CC2D2B: variants seen among roughly 807,000 people sequenced by gnomAD.
The protein encoded by CC2D2B is coiled-coil and C2 domain containing 2B, also known as protein CC2D2B.
A neutral mutation model predicts 161.2 loss-of-function variants in CC2D2B; 128 were observed. The ratio of observed to expected loss-of-function variants is 0.79; its 90% CI spans 0.69 to 0.92. The LOEUF (loss-of-function observed/expected upper bound fraction) is 0.92. Among genes scored for constraint, CC2D2B ranks in the 40% least tolerant of loss-of-function variants. The probability of loss-of-function intolerance (pLI) is 0.00; values close to 1 mark genes in which losing one functional copy is unlikely to be tolerated. For missense variants in CC2D2B, 1,173 were observed against 1,375.1 expected (o/e 0.85, Z 2.32); for synonymous variants, 391 against 449.8 (o/e 0.87, Z 1.65).
At position 95,968,722 on chromosome 10, in the gene CC2D2B, A is replaced by G; in HGVS notation, c.1467-2A>G. The G allele has an allele frequency of 2.6e-6, 3 of 1,172,788 alleles. No homozygotes were observed. The highest frequency in any genetic ancestry group is 3.2e-6 in the Non-Finnish European group (3 of 934,196). The allele number at this position is 1,172,788 out of a possible 1,614,324, so 72.6% of individuals were successfully genotyped here. A position where few individuals can be genotyped will look rare whatever the true frequency, so the allele number is the denominator to read the frequency against. ...TGATTTAAAGGTTTGTTTAATTTTTAGGCATGAACAAAAAAGAAGAGCCAA... is the reference window on the plus strand; with the variant it reads ...TGATTTAAAGGTTTGTTTAATTTTTGGGCATGAACAAAAAAGAAGAGCCAA... On this transcript the variant is annotated splice_acceptor_variant, in intron 14 of 34. Transcript: ENST00000646931. LOFTEE classifies it high-confidence loss of function.
At chr10:95,937,860 CTGGAACT>C in intron 6 of CC2D2B, 124 bp from the exon 7 acceptor site, 1 of 621,050 alleles carries the variant, frequency 1.6e-6, no homozygotes. Context: ...ACAAGTTCAA[CTGGAACT>C]TGTTCTGTGG....
intron 9 of CC2D2B, among the ~76,000 whole-genome samples, chr10:95,945,891 TCTC>T (rs1473801280): frequency 6.6e-6 from 1 of 151,406 alleles, no homozygotes; most frequent in Non-Finnish European, 1.5e-5. Context: ...TTCAAGTACT[TCTC>T]CTGCCTTAGC....
chr10:95,987,483 G>T (rs1438286340), intron 19 of CC2D2B, among the ~76,000 whole-genome samples: 1 of 152,144 alleles, frequency 6.6e-6, no homozygotes, highest in Non-Finnish European at 1.5e-5. Context: ...TTTCATGGCT[G>T]AAGATTCTAA....
intron 12 of CC2D2B, among the ~76,000 whole-genome samples, chr10:95,962,801 G>A (rs1035228476): frequency 6.8e-5 from 10 of 146,114 alleles, no homozygotes; most frequent in South Asian, 2.2e-4. Flanking sequence ...TGCTCTGGAC[G>A]GTTTCTAAAC....
At chr10:95,941,075 A>G (rs916940903) in intron 9 of CC2D2B, among the ~76,000 whole-genome samples, 7 of 152,134 alleles carry the variant, frequency 4.6e-5, no homozygotes, top group African/African-American at 1.7e-4. Context: ...GAGGGTGCCA[A>G]GACTACACAA....
rs1564684345 is a variant in CC2D2B at position 96,025,189 on chromosome 10, A to AT, written c.3947+278_3947+279insT. On this transcript the variant is annotated intron_variant, in intron 33 of 34. Transcript: ENST00000646931. The stretch of plus-strand genomic sequence containing the variant: ...TATATATATATATATATATATAAAA[A>AT]AAAATATATATATATATATATATAT... 3.2e-4 allele frequency among the ~76,000 whole-genome samples: 17 copies of AT among 53,774 alleles called. No homozygotes were observed. In the East Asian group the frequency reaches 4.6e-3, roughly 14 times the overall value. The allele number at this position is 53,774 out of a possible 152,430, so 35.3% of individuals were successfully genotyped here.
At chr10:96,018,201 T>C (rs2079290085) in intron 30 of CC2D2B, among the ~76,000 whole-genome samples, 1 of 152,212 alleles carries the variant, frequency 6.6e-6, no homozygotes, top group Admixed American at 6.5e-5. Context: ...AATTAAATAG[T>C]CTCATTATTA....
intron 4 of CC2D2B, among the ~76,000 whole-genome samples, 186 bp from the exon 5 acceptor site, chr10:95,924,593 G>T (rs971520163): frequency 6.6e-6 from 1 of 152,066 alleles, no homozygotes; most frequent in East Asian, 1.9e-4. Context: ...GCCAAGAAGA[G>T]CTAGGTGATT....
chr10:95,910,685 A>G (rs1046887133), intron 1 of CC2D2B, among the ~76,000 whole-genome samples: 8 of 152,364 alleles, frequency 5.3e-5, no homozygotes, highest in Middle Eastern at 3.4e-3. Flanking sequence ...ATCTATTAGT[A>G]GCCTTTTAAT....
chr10:95,929,302 T>C (rs2098545364), intron 6 of CC2D2B, among the ~76,000 whole-genome samples: 1 of 152,178 alleles, frequency 6.6e-6, no homozygotes, highest in Non-Finnish European at 1.5e-5. Context: ...ATTAGCCCTT[T>C]TCAGATGAGT....
At chr10:95,935,048 T>C (rs931203758) in intron 6 of CC2D2B, among the ~76,000 whole-genome samples, 1 of 152,078 alleles carries the variant, frequency 6.6e-6, no homozygotes, top group African/African-American at 2.4e-5. Context: ...TTTTTGTATT[T>C]TTAGTAGAGA....
intron 34 of CC2D2B, among the ~76,000 whole-genome samples, chr10:96,031,172 G>T (rs2080050765): frequency 6.6e-6 from 1 of 152,124 alleles, no homozygotes; most frequent in Non-Finnish European, 1.5e-5. Context: ...TACATCTGCA[G>T]AGATTATGGG....
intron 16 of CC2D2B, among the ~76,000 whole-genome samples, chr10:95,972,799 G>A (rs1235322793): frequency 1.3e-5 from 2 of 152,128 alleles, no homozygotes; most frequent in East Asian, 3.9e-4. Flanking sequence ...TTTTGAGTGG[G>A]CTGGCTGCTC....
Position 96,032,573 on chromosome 10 carries a change from C to G in CC2D2B, c.*565C>G. 3.2e-6 allele frequency: 1 copy of G among 317,014 alleles called. No homozygotes were observed. Among genetic ancestry groups the G allele is most frequent in the South Asian group, 2.9e-5 (1 of 35,028 alleles). 19.6% of individuals were successfully genotyped at this position (317,014 alleles called of 1,614,324 possible). On this transcript the variant is annotated 3_prime_UTR_variant, in exon 35 of 35. Transcript: ENST00000646931. Reference sequence around the variant, plus strand: ...GGTACGTTTGATGCTGGGTCTGATACAATTTCAGATGGAAGCTGCTCGAGT... The same window carrying G: ...GGTACGTTTGATGCTGGGTCTGATAGAATTTCAGATGGAAGCTGCTCGAGT...
intron 9 of CC2D2B, among the ~76,000 whole-genome samples, chr10:95,947,113 A>ATATATTTTTTTTTTT (rs1289243570): frequency 2.1e-5 from 1 of 48,376 alleles, no homozygotes; most frequent in African/African-American, 9.4e-5. Flanking sequence ...ATATATATAT[A>ATATATTTTTTTTTTT]TTTTTTTTTT....
intron 26 of CC2D2B, among the ~76,000 whole-genome samples, chr10:96,011,354 C>T (rs1040812386): frequency 2.0e-5 from 3 of 152,154 alleles, no homozygotes; most frequent in African/African-American, 7.2e-5. Flanking sequence ...AAGGTGGACA[C>T]ATCTGGGTTG....
At chr10:95,996,101 A>G (rs1164677512) in intron 23 of CC2D2B, 42 bp from the exon 24 acceptor site, 3 of 938,262 alleles carry the variant, frequency 3.2e-6, no homozygotes, top group East Asian at 2.7e-5. Flanking sequence ...TCGACTATAT[A>G]TAGTATTTCA....
At chr10:95,983,956 G>A (rs138204634) in intron 19 of CC2D2B, 147 bp downstream of exon 19, 95 of 412,638 alleles carry the variant, frequency 2.3e-4, no homozygotes, top group African/African-American at 1.4e-3. Context: ...AAAAATATAC[G>A]TATCTCCCAA....
intron 17 of CC2D2B, among the ~76,000 whole-genome samples, chr10:95,975,488 G>C (rs1215044941): frequency 6.6e-6 from 1 of 152,036 alleles, no homozygotes; most frequent in Non-Finnish European, 1.5e-5. Context: ...AAAGAATCAA[G>C]GTACAGATTT....
Sources: gnomAD v4.1 joint callset for allele counts (sites outside exome capture counted in the v4.1 genomes callset) on GRCh38, gnomAD v4.1.1 for gene constraint, MANE v1.5 for transcripts, NCBI Gene and HGNC (gene_info 2026-07-23, HGNC 2026-07-21) for gene names.